Variants in TMEM132C observed in about 807,000 individuals in gnomAD.
TMEM132C encodes protein phosphatase 1, regulatory subunit 152.
Under a neutral mutation model 61.4 loss-of-function variants are expected in TMEM132C, and 29 were observed. The observed-to-expected ratio is 0.47, with a 90% confidence interval of 0.35 to 0.64. The LOEUF (loss-of-function observed/expected upper bound fraction) is 0.64. Ranked by LOEUF, TMEM132C falls within the 30% of genes least tolerant of loss-of-function variation. The pLI is 0.00. For synonymous variants in TMEM132C, 656 were observed against 633.1 expected (o/e 1.04, Z -0.54); for missense variants, 1,408 against 1,476.9 (o/e 0.95, Z 0.76).
At chr12:128,402,879 G>A (rs980207145) in intron 1 of TMEM132C, among the ~76,000 whole-genome samples, 1 of 152,154 alleles carries the variant, frequency 6.6e-6, no homozygotes, top group Non-Finnish European at 1.5e-5. Context: ...TAGAGCATTC[G>A]TCTTTGAAAG....
At chr12:128,448,997 C>T (rs954943270) in intron 2 of TMEM132C, among the ~76,000 whole-genome samples, 4 of 151,690 alleles carry the variant, frequency 2.6e-5, no homozygotes, top group African/African-American at 4.8e-5. Flanking sequence ...ATTAGCCAGG[C>T]GCGGTGGCGG....
chr12:128,494,435 C>G (rs1871865171), intron 2 of TMEM132C, among the ~76,000 whole-genome samples: 1 of 152,120 alleles, frequency 6.6e-6, no homozygotes. Flanking sequence ...CCAGTTCCTC[C>G]TTGTACCTCT....
chr12:128,474,641 C>G (rs1322516300), intron 2 of TMEM132C, among the ~76,000 whole-genome samples: 1 of 152,144 alleles, frequency 6.6e-6, no homozygotes, highest in African/African-American at 2.4e-5. Flanking sequence ...CCGATGAGAA[C>G]GTTCATTGAA....
At chr12:128,340,795 C>CTCTCTCTTTCTT (rs1421198347) in intron 1 of TMEM132C, among the ~76,000 whole-genome samples, 7 of 146,840 alleles carry the variant, frequency 4.8e-5, no homozygotes, top group African/African-American at 1.5e-4. Context: ...CTCTCTCTCT[C>CTCTCTCTTTCTT]TCTCTTTCTT....
intron 2 of TMEM132C, among the ~76,000 whole-genome samples, chr12:128,490,409 A>G (rs1222975112): frequency 6.6e-6 from 1 of 152,166 alleles, no homozygotes; most frequent in Non-Finnish European, 1.5e-5. Flanking sequence ...AATGTGAAGC[A>G]AATTCCCCCC....
chr12:128,445,962 G>A (rs1869967601), intron 2 of TMEM132C, among the ~76,000 whole-genome samples: 1 of 152,134 alleles, frequency 6.6e-6, no homozygotes, highest in Non-Finnish European at 1.5e-5. Flanking sequence ...CTTAATCTCT[G>A]TCATCTACAA....
intron 5 of TMEM132C, among the ~76,000 whole-genome samples, chr12:128,678,202 G>A (rs1320596788): frequency 6.6e-6 from 1 of 152,154 alleles, no homozygotes; most frequent in African/African-American, 2.4e-5. Flanking sequence ...AACTCTGGAA[G>A]GTCTTTATCC....
At chr12:128,399,530 C>G (rs57705585) in intron 1 of TMEM132C, among the ~76,000 whole-genome samples, 1 of 151,420 alleles carries the variant, frequency 6.6e-6, no homozygotes, top group African/African-American at 2.4e-5. Context: ...ATTTTTTTTT[C>G]TTTTTGGTTT....
chr12:128,371,019 C>T (rs900337100), intron 1 of TMEM132C, among the ~76,000 whole-genome samples: 3 of 152,058 alleles, frequency 2.0e-5, no homozygotes, highest in Admixed American at 1.3e-4. Flanking sequence ...GCTTTCAATC[C>T]AGGTGCCTGG....
intron 3 of TMEM132C, among the ~76,000 whole-genome samples, chr12:128,605,512 C>T (rs1876390901): frequency 6.6e-6 from 1 of 152,134 alleles, no homozygotes; most frequent in Non-Finnish European, 1.5e-5. Context: ...AATGTTTGCC[C>T]AAATGTCTGG....
At chr12:128,303,508 T>C (rs1162855332) in intron 1 of TMEM132C, among the ~76,000 whole-genome samples, 2 of 152,232 alleles carry the variant, frequency 1.3e-5, no homozygotes, top group African/African-American at 2.4e-5. Context: ...AAATAACTCC[T>C]GACCACTTAT....
chr12:128,612,057 A>T (rs1565991328), intron 3 of TMEM132C, among the ~76,000 whole-genome samples: 1 of 152,344 alleles, frequency 6.6e-6, no homozygotes, highest in East Asian at 1.9e-4. Context: ...ATATGAATGT[A>T]CAAAAATAAA....
chr12:128,693,884 T>C lies in TMEM132C; in HGVS notation c.1505T>C (p.Met502Thr). The change falls in exon 6 of 9, where the codon ATG becomes ACG. Residue 502 changes from methionine to threonine, a missense_variant. Coordinates refer to ENST00000435159, the MANE Select transcript of TMEM132C (RefSeq NM_001136103.3). ...AATGGCAAAGAGATCAAAGGAAAGATGGATGCGGTGGTGAACTTCACATAC... is the reference window on the plus strand; with the variant it reads ...AATGGCAAAGAGATCAAAGGAAAGACGGATGCGGTGGTGAACTTCACATAC... ...FVNGKEIKGK[M>T]DAVVNFTYQY... 1 of 1,551,768 alleles carries C rather than the reference T, an allele frequency of 6.4e-7. No individual in the cohort carries two copies. The highest frequency in any genetic ancestry group is 1.4e-5 in the African/African-American group (1 of 73,168).
chr12:128,344,219 G>T (rs576420860), intron 1 of TMEM132C, among the ~76,000 whole-genome samples: 2 of 152,036 alleles, frequency 1.3e-5, no homozygotes, highest in African/African-American at 4.8e-5. Flanking sequence ...GTGCCGTGGC[G>T]CAATCTAGGC....
rs188743500 is a variant in TMEM132C at position 128,331,178 on chromosome 12, C to T, written c.85+63691C>T. On this transcript the variant is annotated intron_variant, in intron 1 of 8. Transcript: ENST00000435159. ...TCTACTCCTTCCAACAGTCCTCCCT[C>T]CATCCCCATCTCTACCCCTTTATCA... 6.7e-3 allele frequency among the ~76,000 whole-genome samples: 1,023 copies of T among 152,098 alleles called. 12 individuals carry two copies. The highest frequency in any genetic ancestry group is 0.024 in the African/African-American group (982 of 41,450).
At chr12:128,275,011 A>G (rs1870637628) in intron 1 of TMEM132C, among the ~76,000 whole-genome samples, 1 of 152,224 alleles carries the variant, frequency 6.6e-6, no homozygotes, top group Admixed American at 6.5e-5. Flanking sequence ...CCCAGAGAAA[A>G]ACTGAAGAGC....
chr12:128,584,752 G>A (rs191070804), intron 3 of TMEM132C, among the ~76,000 whole-genome samples: 7 of 152,294 alleles, frequency 4.6e-5, no homozygotes, highest in East Asian at 1.9e-4. Context: ...TGCAGCTGGC[G>A]AATGGGTGTC....
chr12:128,295,750 A>T (rs1016293489), intron 1 of TMEM132C, among the ~76,000 whole-genome samples: 5 of 151,378 alleles, frequency 3.3e-5, no homozygotes, highest in African/African-American at 1.2e-4. Context: ...GTCCAGTCAT[A>T]GATTTCAGTT....
At chr12:128,306,206 CTTTTTTT>C (rs34273117) in intron 1 of TMEM132C, among the ~76,000 whole-genome samples, 5 of 136,944 alleles carry the variant, frequency 3.7e-5, no homozygotes, top group Admixed American at 3.0e-4. Flanking sequence ...TGAAGAAATT[CTTTTTTT>C]TTTTTTTTTG....
Sources: allele counts gnomAD v4.1 joint callset (sites outside exome capture counted in the v4.1 genomes callset), GRCh38; gene constraint gnomAD v4.1.1; transcripts MANE v1.5; gene names NCBI Gene and HGNC (gene_info 2026-07-23, HGNC 2026-07-21).